Variants in HHAT observed in about 807,000 individuals in gnomAD.
HHAT encodes protein-cysteine N-palmitoyltransferase HHAT.
In HHAT, 47 loss-of-function variants were observed where a neutral mutation model predicts 70.8. That is an observed-to-expected ratio of 0.66 (90% CI 0.53 to 0.85). HHAT has a LOEUF of 0.85. HHAT is among the 40% of genes least tolerant of loss of function. HHAT has a pLI of 0.00. For missense variants in HHAT, 609 were observed against 604.8 expected (o/e 1.01, Z -0.07); for synonymous variants, 228 against 247.6 (o/e 0.92, Z 0.74).
At chr1:210,359,749 C>T (rs2088051020) in intron 2 of HHAT, among the ~76,000 whole-genome samples, 1 of 152,114 alleles carries the variant, frequency 6.6e-6, no homozygotes, top group South Asian at 2.1e-4. Flanking sequence ...CACCTGTAAT[C>T]CCAGCCACTT....
chr1:210,431,920 T>C (rs1367344420), intron 7 of HHAT, among the ~76,000 whole-genome samples: 4 of 151,870 alleles, frequency 2.6e-5, no homozygotes, highest in Non-Finnish European at 5.9e-5. Context: ...AAATAGAAGA[T>C]TTAAATGTTA....
At chr1:210,585,491 C>A (rs1351941665) in intron 9 of HHAT, among the ~76,000 whole-genome samples, 4 of 152,130 alleles carry the variant, frequency 2.6e-5, no homozygotes, top group Non-Finnish European at 5.9e-5. Context: ...CAGCTCACTG[C>A]AACCTCCACC....
intron 7 of HHAT, among the ~76,000 whole-genome samples, chr1:210,428,228 A>AT (rs2093128542): frequency 7.4e-6 from 1 of 135,978 alleles, no homozygotes; most frequent in African/African-American, 2.8e-5. Flanking sequence ...CTTCCACATC[A>AT]TTTTTTTCCT....
At chr1:210,540,714 G>A (rs954773557) in intron 9 of HHAT, among the ~76,000 whole-genome samples, 1 of 151,594 alleles carries the variant, frequency 6.6e-6, no homozygotes, top group Non-Finnish European at 1.5e-5. Flanking sequence ...TGCAATAATA[G>A]CACACGACAG....
intron 9 of HHAT, among the ~76,000 whole-genome samples, chr1:210,542,676 T>G (rs1321266221): frequency 6.6e-6 from 1 of 151,970 alleles, no homozygotes; most frequent in Non-Finnish European, 1.5e-5. Context: ...GGTGTGCACC[T>G]GTAGTTCCAG....
chr1:210,610,374 T>G (rs1178703078), intron 10 of HHAT, among the ~76,000 whole-genome samples: 1 of 152,198 alleles, frequency 6.6e-6, no homozygotes, highest in Non-Finnish European at 1.5e-5. Flanking sequence ...TGCTTGTTTT[T>G]CTCTTGTAGA....
chr1:210,598,596 TG>T (rs1393384068), intron 10 of HHAT, among the ~76,000 whole-genome samples: 3 of 152,188 alleles, frequency 2.0e-5, no homozygotes, highest in African/African-American at 7.2e-5. Context: ...ATCTTTCTGC[TG>T]TGACAGGGCA....
intron 2 of HHAT, among the ~76,000 whole-genome samples, chr1:210,357,286 C>T (rs1268505471): frequency 6.6e-6 from 1 of 152,254 alleles, no homozygotes; most frequent in Non-Finnish European, 1.5e-5. Context: ...TTTGAGAAAA[C>T]AGCAGAAGCA....
intron 6 of HHAT, among the ~76,000 whole-genome samples, chr1:210,407,776 A>C (rs2092390882): frequency 6.6e-6 from 1 of 152,134 alleles, no homozygotes; most frequent in Non-Finnish European, 1.5e-5. Context: ...AGGGAAGGGA[A>C]GGACATGGTG....
chr1:210,543,474 A>G (rs944170985), intron 9 of HHAT, among the ~76,000 whole-genome samples: 15 of 151,874 alleles, frequency 9.9e-5, no homozygotes, highest in African/African-American at 3.6e-4. Context: ...CAGCATTCTG[A>G]GAGGCTGAGC....
At chr1:210,450,672 T>A (rs1031627004) in intron 7 of HHAT, among the ~76,000 whole-genome samples, 3 of 151,122 alleles carry the variant, frequency 2.0e-5, no homozygotes, top group African/African-American at 7.3e-5. Context: ...TTATAATGAA[T>A]CTACATATTA....
chr1:210,624,672 A>G (rs1009548248), intron 11 of HHAT, among the ~76,000 whole-genome samples: 6 of 152,248 alleles, frequency 3.9e-5, no homozygotes, highest in Non-Finnish European at 7.3e-5. Flanking sequence ...GGGAGTTGTC[A>G]AAACATTCTA....
At chr1:210,336,310 T>TTTTTTG (rs2085492279) in intron 1 of HHAT, among the ~76,000 whole-genome samples, 1 of 134,338 alleles carries the variant, frequency 7.4e-6, no homozygotes, top group African/African-American at 2.7e-5. Flanking sequence ...TTTTTTTTTT[T>TTTTTTG]AGAGACAGGG....
chr1:210,562,480 T>G (rs2095632291), intron 9 of HHAT, among the ~76,000 whole-genome samples: 1 of 151,956 alleles, frequency 6.6e-6, no homozygotes, highest in African/African-American at 2.4e-5. Context: ...CGGGGCTCCT[T>G]GCTTGCTCTT....
chr1:210,567,535 G>T (rs1370729191), intron 9 of HHAT, among the ~76,000 whole-genome samples: 1 of 152,136 alleles, frequency 6.6e-6, no homozygotes, highest in Non-Finnish European at 1.5e-5. Flanking sequence ...TAACTCAATG[G>T]AAATCCTTTG....
At chr1:210,609,040 G>A (rs573334933) in intron 10 of HHAT, among the ~76,000 whole-genome samples, 1 of 152,226 alleles carries the variant, frequency 6.6e-6, no homozygotes, top group African/African-American at 2.4e-5. Context: ...GAGCAGCATG[G>A]GGGAAACTAG....
intron 9 of HHAT, among the ~76,000 whole-genome samples, chr1:210,540,910 G>A (rs569642254): frequency 1.3e-5 from 2 of 151,552 alleles, no homozygotes; most frequent in East Asian, 1.9e-4. Context: ...GTGCAATCTC[G>A]GCTCACTGCA....
At chr1:210,610,919 G>T (rs957823092) in intron 10 of HHAT, among the ~76,000 whole-genome samples, 2 of 152,108 alleles carry the variant, frequency 1.3e-5, no homozygotes, top group African/African-American at 4.8e-5. Context: ...TTGTAGCCTT[G>T]TACTATAGTT....
intron 9 of HHAT, among the ~76,000 whole-genome samples, chr1:210,524,594 G>C (rs2095217834): frequency 6.6e-6 from 1 of 152,218 alleles, no homozygotes. Flanking sequence ...CTGTGATGAA[G>C]ATTGGGCTCC....
Sources: gnomAD v4.1 joint callset for allele counts (sites outside exome capture counted in the v4.1 genomes callset) on GRCh38, gnomAD v4.1.1 for gene constraint, MANE v1.5 for transcripts, NCBI Gene and HGNC (gene_info 2026-07-23, HGNC 2026-07-21) for gene names.